Variants in PRDM6 observed in about 807,000 individuals in gnomAD.
PRDM6 encodes putative histone-lysine N-methyltransferase PRDM6.
In PRDM6, 25 loss-of-function variants were observed where a neutral mutation model predicts 60.8. The ratio of observed to expected loss-of-function variants is 0.41; its 90% CI spans 0.30 to 0.57. The LOEUF (loss-of-function observed/expected upper bound fraction) is 0.57, where lower values mean the gene tolerates loss of function less well. Ranked by LOEUF, PRDM6 falls within the 20% of genes least tolerant of loss-of-function variation. The pLI, the probability that PRDM6 is intolerant of heterozygous loss-of-function variation, is 0.27. For missense variants in PRDM6, 839 were observed against 821.3 expected (o/e 1.02, Z -0.26); for synonymous variants, 407 against 357.4 (o/e 1.14, Z -1.57).
intron 4 of PRDM6, 82 bp downstream of exon 4, chr5:123,156,093 TA>T (rs752234259): frequency 5.6e-5 from 77 of 1,368,368 alleles, no homozygotes; most frequent in African/African-American, 3.5e-4. Flanking sequence ...CACTGGTGGG[TA>T]AAAAAAATCC....
At chr5:123,144,856 T>C (rs540515725) in intron 3 of PRDM6, among the ~76,000 whole-genome samples, 1 of 152,298 alleles carries the variant, frequency 6.6e-6, no homozygotes, top group African/African-American at 2.4e-5. Flanking sequence ...CAGAGAGACA[T>C]GGCCCGGCCC....
intron 3 of PRDM6, among the ~76,000 whole-genome samples, chr5:123,152,966 C>G (rs1490915767): frequency 6.6e-6 from 1 of 152,128 alleles, no homozygotes; most frequent in Non-Finnish European, 1.5e-5. Context: ...TCCGCTTAAA[C>G]AGGTAAGAAT....
chr5:123,111,515 G>A (rs758881384), intron 3 of PRDM6, among the ~76,000 whole-genome samples: 5 of 152,094 alleles, frequency 3.3e-5, no homozygotes, highest in Non-Finnish European at 7.4e-5. Context: ...TAGCTAACAC[G>A]GTGAAACCCC....
At chr5:123,162,796 G>T (rs1765665596) in intron 5 of PRDM6, among the ~76,000 whole-genome samples, 1 of 152,176 alleles carries the variant, frequency 6.6e-6, no homozygotes. Flanking sequence ...AGATCGTGTG[G>T]GGGAGATATA....
At chr5:123,147,309 A>AGAGAGAGAGAGAG (rs1561853207) in intron 3 of PRDM6, among the ~76,000 whole-genome samples, 3 of 125,342 alleles carry the variant, frequency 2.4e-5, no homozygotes, top group Admixed American at 7.6e-5. Context: ...GAGAGAGAGA[A>AGAGAGAGAGAGAG]AACGAACAAG....
intron 3 of PRDM6, among the ~76,000 whole-genome samples, chr5:123,142,889 A>C (rs1466510189): frequency 2.7e-5 from 4 of 148,818 alleles, no homozygotes; most frequent in African/African-American, 9.9e-5. Context: ...AAAAAAAAAA[A>C]AAAAAAAAAA....
At chr5:123,130,115 T>C (rs58270711) in intron 3 of PRDM6, among the ~76,000 whole-genome samples, 10 of 19,722 alleles carry the variant, frequency 5.1e-4, no homozygotes, top group African/African-American at 1.5e-3. Context: ...CCTCCCCTCC[T>C]CTCCCCTTCC....
intron 5 of PRDM6, among the ~76,000 whole-genome samples, chr5:123,164,681 C>T (rs1456404341): frequency 6.6e-6 from 1 of 152,158 alleles, no homozygotes; most frequent in Non-Finnish European, 1.5e-5. Flanking sequence ...ACAAAGGTCT[C>T]AGGGAAAGTC....
Position 123,090,038 on chromosome 5 carries a change from C to G in PRDM6, c.24C>G (p.Gly8=). 6.5e-7 allele frequency: 1 copy of G among 1,547,964 alleles called. No individual in the cohort carries two copies. The highest frequency in any genetic ancestry group is 1.4e-5 in the African/African-American group (1 of 72,776). Residue 8 remains glycine, a synonymous_variant, in exon 2 of 8, where the codon GGC becomes GGG. Transcript: ENST00000407847. MLKPGDP[G]GSAFLKVDPA... is the part of the protein sequence containing the mutation. ...ACATGCTGAAGCCCGGAGACCCCGG[C>G]GGTTCGGCCTTCCTCAAAGTGGACC...
intron 6 of PRDM6, among the ~76,000 whole-genome samples, chr5:123,174,901 A>C (rs555405258): frequency 6.6e-6 from 1 of 152,320 alleles, no homozygotes; most frequent in Non-Finnish European, 1.5e-5. Flanking sequence ...CAAAATCAAA[A>C]ATCTCTTCCT....
intron 3 of PRDM6, among the ~76,000 whole-genome samples, chr5:123,142,610 G>A (rs1765130505): frequency 6.6e-6 from 1 of 151,936 alleles, no homozygotes; most frequent in Admixed American, 6.6e-5. Flanking sequence ...GGAATGCTTT[G>A]GTGTCTTAAT....
chr5:123,102,682 C>A (rs1361981940), intron 3 of PRDM6, among the ~76,000 whole-genome samples: 3 of 152,090 alleles, frequency 2.0e-5, no homozygotes, highest in Non-Finnish European at 4.4e-5. Flanking sequence ...CAACTGTAAT[C>A]ATTTCTCTTC....
At chr5:123,089,891 C>A in intron 1 of PRDM6, 109 bp from the exon 2 acceptor site, 2 of 807,594 alleles carry the variant, frequency 2.5e-6, no homozygotes, top group Non-Finnish European at 3.8e-6. Flanking sequence ...ACCGGGCGGC[C>A]GCCGGCTGAA....
chr5:123,153,465 T>C (rs998597032), intron 3 of PRDM6, among the ~76,000 whole-genome samples: 2 of 152,124 alleles, frequency 1.3e-5, no homozygotes, highest in African/African-American at 4.8e-5. Context: ...CAACTCTGGG[T>C]ATGTAGTCGT....
At chr5:123,144,310 A>G (rs1248007570) in intron 3 of PRDM6, among the ~76,000 whole-genome samples, 1 of 152,226 alleles carries the variant, frequency 6.6e-6, no homozygotes, top group Non-Finnish European at 1.5e-5. Context: ...ATAGTGGATG[A>G]CTTCAGCCCT....
At chr5:123,162,419 T>C (rs1029322230) in intron 5 of PRDM6, among the ~76,000 whole-genome samples, 2 of 152,208 alleles carry the variant, frequency 1.3e-5, no homozygotes, top group Non-Finnish European at 2.9e-5. Flanking sequence ...CAGTTCTTCT[T>C]TCTGCTAGTG....
At chr5:123,125,809 T>C (rs987553509) in intron 3 of PRDM6, among the ~76,000 whole-genome samples, 2 of 152,250 alleles carry the variant, frequency 1.3e-5, no homozygotes, top group Non-Finnish European at 2.9e-5. Flanking sequence ...AAGAGTCTCA[T>C]TGAAGACAGG....
At chr5:123,096,973 A>C (rs1463711453) in intron 2 of PRDM6, among the ~76,000 whole-genome samples, 1 of 152,164 alleles carries the variant, frequency 6.6e-6, no homozygotes, top group Non-Finnish European at 1.5e-5. Flanking sequence ...TCTCTGGCAC[A>C]GGCTGCTAGG....
At chr5:123,089,884 G>C (rs986030568) in intron 1 of PRDM6, 116 bp from the exon 2 acceptor site, 4 of 730,028 alleles carry the variant, frequency 5.5e-6, no homozygotes, top group South Asian at 1.9e-5. Context: ...CCGCGGAACC[G>C]GGCGGCCGCC....
Sources: allele counts gnomAD v4.1 joint callset (sites outside exome capture counted in the v4.1 genomes callset), GRCh38; gene constraint gnomAD v4.1.1; transcripts MANE v1.5; gene names NCBI Gene and HGNC (gene_info 2026-07-23, HGNC 2026-07-21).